The following GDA variants were observed in gnomAD, a reference collection of about 807,000 sequenced individuals.
GDA encodes cytoplasmic PSD-95 interactor.
In GDA, 18 loss-of-function variants were observed where a neutral mutation model predicts 59.6. The ratio of observed to expected loss-of-function variants is 0.30; its 90% CI spans 0.21 to 0.45. GDA has a LOEUF of 0.45. Among genes scored for constraint, GDA ranks in the 20% least tolerant of loss-of-function variants. GDA has a pLI of 1.00. For synonymous variants in GDA, 201 were observed against 201.1 expected, an observed-to-expected ratio of 1.00 and a Z score of 0.00; for missense variants, 427 against 552.3, an observed-to-expected ratio of 0.77 and a Z score of 2.27.
At chr9:72,240,900 T>C (rs1210176071) in intron 10 of GDA, among the ~76,000 whole-genome samples, 2 of 152,188 alleles carry the variant, frequency 1.3e-5, no homozygotes, top group Non-Finnish European at 2.9e-5. Flanking sequence ...ATTTCTGCTG[T>C]TTTAAGCTAG....
At chr9:72,208,870 T>A (rs1835032732) in intron 3 of GDA, among the ~76,000 whole-genome samples, 1 of 152,216 alleles carries the variant, frequency 6.6e-6, no homozygotes, top group Non-Finnish European at 1.5e-5. Context: ...TACTTAATTG[T>A]CTGTGTATCA....
At chr9:72,170,288 GC>G (rs1829802426) in intron 1 of GDA, among the ~76,000 whole-genome samples, 1 of 152,048 alleles carries the variant, frequency 6.6e-6, no homozygotes, top group Admixed American at 6.6e-5. Flanking sequence ...ATCCTGCTTG[GC>G]AAAAATGGCT....
intron 13 of GDA, 78 bp downstream of exon 13, chr9:72,247,511 T>C (rs1457884833): frequency 1.7e-5 from 13 of 776,316 alleles, no homozygotes; most frequent in Non-Finnish European, 2.9e-5. Flanking sequence ...GCTCTATGTA[T>C]TTATCCTACC....
intron 3 of GDA, among the ~76,000 whole-genome samples, chr9:72,204,111 G>A (rs1446267035): frequency 6.6e-6 from 1 of 152,060 alleles, no homozygotes; most frequent in Non-Finnish European, 1.5e-5. Context: ...CACCGCGCCC[G>A]GCCGAGCAAG....
intron 1 of GDA, among the ~76,000 whole-genome samples, chr9:72,137,338 C>T (rs1826272717): frequency 1.3e-5 from 2 of 148,996 alleles, no homozygotes; most frequent in South Asian, 2.1e-4. Flanking sequence ...GCTCCACCTC[C>T]CGGGTTCACA....
In GDA at chr9:72,124,145, G is replaced by T. The variant is rs191239559; in HGVS notation, c.-100+9312G>T. ...AGAAGAGAAAACATGGAAAAGAAAA[G>T]AACTTTTCCAGGCTATATAGTGGAA... On this transcript the variant is annotated intron_variant, in intron 1 of 13. Transcript: ENST00000545168. 2.6e-4 allele frequency among the ~76,000 whole-genome samples: 40 copies of T among 152,160 alleles called. No homozygotes were observed. In the East Asian group the frequency reaches 4.2e-3, roughly 16 times the overall value.
intron 12 of GDA, among the ~76,000 whole-genome samples, chr9:72,246,939 C>T (rs915988471): frequency 1.3e-5 from 2 of 151,784 alleles, no homozygotes; most frequent in South Asian, 4.2e-4. Flanking sequence ...CCAGTAAAGC[C>T]CCCTCCCTCA....
chr9:72,204,294 C>G (rs1401602970), intron 3 of GDA, among the ~76,000 whole-genome samples: 1 of 151,970 alleles, frequency 6.6e-6, no homozygotes, highest in African/African-American at 2.4e-5. Context: ...AATCTTTATT[C>G]TCAAAATTTA....
At chr9:72,239,987 C>G (rs1839436219) in intron 10 of GDA, among the ~76,000 whole-genome samples, 1 of 152,112 alleles carries the variant, frequency 6.6e-6, no homozygotes, top group Non-Finnish European at 1.5e-5. Context: ...AGAAGGAACA[C>G]TTGAAATATG....
Position 72,248,773 on chromosome 9 carries a change from CA to C in GDA, c.*435del, listed in dbSNP as rs1261830740. ...ATGAGAGTATATTTTTATGAGGGAGCAAAAGTTAGACTGAGAACAAACGTTA... is the reference window on the plus strand; with the variant it reads ...ATGAGAGTATATTTTTATGAGGGAGCAAAGTTAGACTGAGAACAAACGTTA... On this transcript the variant is annotated 3_prime_UTR_variant, in exon 14 of 14. Transcript: ENST00000358399. 32 of 992,620 alleles carry C rather than the reference CA, an allele frequency of 3.2e-5. No homozygotes were observed. Among genetic ancestry groups the C allele is most frequent in the Non-Finnish European group, 3.8e-5 (32 of 833,560 alleles). 61.5% of individuals were successfully genotyped at this position (992,620 alleles called of 1,614,324 possible). A position where few individuals can be genotyped will look rare whatever the true frequency, so the allele number is the denominator to read the frequency against.
chr9:72,137,471 C>T (rs1826280657), intron 1 of GDA, among the ~76,000 whole-genome samples: 1 of 152,036 alleles, frequency 6.6e-6, no homozygotes, highest in African/African-American at 2.4e-5. Context: ...TGGTCTCGAT[C>T]TCCTGACCTT....
chr9:72,213,960 A>G lies in GDA; in HGVS notation c.547A>G (p.Thr183Ala). The G allele has an allele frequency of 6.2e-7, 1 of 1,606,842 alleles. No individual in the cohort carries two copies. The highest frequency in any genetic ancestry group is 1.1e-5 in the South Asian group (1 of 90,918). Reference sequence around the variant, plus strand: ...TGACACTTTTCCAGAATACAAGGAGACCACTGAGGAATCGATCAAGGAAAC... The same window carrying G: ...TGACACTTTTCCAGAATACAAGGAGGCCACTGAGGAATCGATCAAGGAAAC... ...LNDTFPEYKE[T>A]TEESIKETER... Residue 183 changes from threonine to alanine, a missense_variant, in exon 5 of 14, where the codon ACC becomes GCC. Physicochemically the swap from Thr to Ala is moderately conservative, Grantham distance 58. Coordinates refer to ENST00000358399, the MANE Select transcript of GDA (RefSeq NM_004293.5).
chr9:72,244,677 C>T (rs541281189), intron 11 of GDA, among the ~76,000 whole-genome samples: 18 of 152,020 alleles, frequency 1.2e-4, no homozygotes, highest in African/African-American at 2.9e-4. Flanking sequence ...TTTATTTATT[C>T]AAGGTTCATT....
At chr9:72,150,680 A>T (rs557521683) in intron 1 of GDA, among the ~76,000 whole-genome samples, 1 of 152,232 alleles carries the variant, frequency 6.6e-6, no homozygotes, top group Non-Finnish European at 1.5e-5. Context: ...AGTTGAAGAT[A>T]CTATTCTTGA....
At chr9:72,172,613 C>T (rs1830088055) in intron 1 of GDA, among the ~76,000 whole-genome samples, 1 of 152,130 alleles carries the variant, frequency 6.6e-6, no homozygotes, top group African/African-American at 2.4e-5. Flanking sequence ...AGGGTTTGCG[C>T]TAGGACCTCC....
At chr9:72,237,218 T>G (rs1186151114) in intron 10 of GDA, among the ~76,000 whole-genome samples, 1 of 152,136 alleles carries the variant, frequency 6.6e-6, no homozygotes, top group East Asian at 1.9e-4. Context: ...TCCACCAACT[T>G]CAGTCTGGAT....
chr9:72,191,579 C>T (rs1214148260), intron 1 of GDA, among the ~76,000 whole-genome samples: 2 of 151,600 alleles, frequency 1.3e-5, no homozygotes, highest in Non-Finnish European at 2.9e-5. Flanking sequence ...TCACGCCATT[C>T]TCCTGCCTCA....
Position 72,142,803 on chromosome 9 carries a change from T to C in GDA, c.-100+27970T>C, listed in dbSNP as rs183526099. 3.6e-3 allele frequency among the ~76,000 whole-genome samples: 543 copies of C among 152,130 alleles called. 3 individuals carry two copies. The highest frequency in any genetic ancestry group is 0.012 in the African/African-American group (519 of 41,528). ...TATTTATTGAGACGGAGTTTTGCTCTTGTTGCCCAGGCTGGAGTGCAATGG... is the reference window on the plus strand; with the variant it reads ...TATTTATTGAGACGGAGTTTTGCTCCTGTTGCCCAGGCTGGAGTGCAATGG... On this transcript the variant is annotated intron_variant, in intron 1 of 13. Coordinates refer to the GDA transcript ENST00000545168.
intron 3 of GDA, among the ~76,000 whole-genome samples, chr9:72,203,678 A>G (rs1228120345): frequency 6.6e-6 from 1 of 152,154 alleles, no homozygotes; most frequent in African/African-American, 2.4e-5. Flanking sequence ...TGTGGGACCC[A>G]TTGATTCCTC....
Sources: gnomAD v4.1 joint callset for allele counts (sites outside exome capture counted in the v4.1 genomes callset) on GRCh38, gnomAD v4.1.1 for gene constraint, MANE v1.5 for transcripts, NCBI Gene and HGNC (gene_info 2026-07-23, HGNC 2026-07-21) for gene names.